SIK3: variants seen among roughly 807,000 people sequenced by gnomAD.
SIK3 encodes SIK family kinase 3, also known as serine/threonine-protein kinase SIK3.
In SIK3, 28 loss-of-function variants were observed where a neutral mutation model predicts 144.2. The ratio of observed to expected loss-of-function variants is 0.19; its 90% confidence interval spans 0.14 to 0.27. The LOEUF is 0.27. SIK3 is among the 10% of genes least tolerant of loss of function. The probability of loss-of-function intolerance (pLI) is 1.00; values close to 1 mark genes in which losing one functional copy is unlikely to be tolerated. For missense variants in SIK3, 1,319 were observed against 1,776.0 expected (o/e 0.74, Z 4.62); for synonymous variants, 686 against 676.3 (o/e 1.01, Z -0.22).
chr11:117,004,385 G>A (rs2135633497), intron 1 of SIK3, among the ~76,000 whole-genome samples: 1 of 152,146 alleles, frequency 6.6e-6, no homozygotes, highest in South Asian at 2.1e-4. Flanking sequence ...GCGTGATGGT[G>A]CACACCTGTG....
At chr11:116,853,982 G>A (rs1942669330) in intron 21 of SIK3, among the ~76,000 whole-genome samples, 1 of 152,228 alleles carries the variant, frequency 6.6e-6, no homozygotes, top group Non-Finnish European at 1.5e-5. Flanking sequence ...ACAGTGCCTG[G>A]CCTCATACTG....
chr11:116,958,827 A>C (rs1422005516), intron 1 of SIK3, among the ~76,000 whole-genome samples: 1 of 152,168 alleles, frequency 6.6e-6, no homozygotes, highest in Non-Finnish European at 1.5e-5. Flanking sequence ...GATCACATAC[A>C]AGACCTTAAC....
intron 3 of SIK3, chr11:116,950,072 TGA>T: frequency 2.1e-6 from 1 of 469,274 alleles, no homozygotes; most frequent in Non-Finnish European, 4.4e-6. Context: ...CAAAAGACAG[TGA>T]AACCACTGTC....
rs746771149 is a variant in SIK3, at chr11:117,042,367, AG to A, written c.273+55775del. 3.3e-5 allele frequency among the ~76,000 whole-genome samples: 5 copies of A among 152,330 alleles called. No individual in the cohort carries two copies. In the South Asian group the frequency reaches 1.0e-3, roughly 32 times the overall value. On this transcript the variant is annotated intron_variant, in intron 1 of 24. Transcript: ENST00000445177. Reference sequence around the variant, plus strand: ...AAACGCAATTCGCAGGTAAGAAAGGAGGCACAATGGTTAAAGGCCAGAGTGT... The same window carrying A: ...AAACGCAATTCGCAGGTAAGAAAGGAGCACAATGGTTAAAGGCCAGAGTGT...
At chr11:117,057,514 T>C (rs536991186) in intron 1 of SIK3, among the ~76,000 whole-genome samples, 13 of 152,292 alleles carry the variant, frequency 8.5e-5, no homozygotes, top group African/African-American at 2.2e-4. Context: ...TAGGAACAAG[T>C]ACTCGGTCAC....
intron 1 of SIK3, among the ~76,000 whole-genome samples, chr11:117,066,336 G>C (rs191917518): frequency 5.3e-5 from 8 of 151,658 alleles, no homozygotes; most frequent in South Asian, 2.1e-4. Flanking sequence ...CCAAAGTACT[G>C]GGATTACAGG....
chr11:116,983,226 CAAAAAA>C (rs751603084), intron 1 of SIK3, among the ~76,000 whole-genome samples: 2 of 86,812 alleles, frequency 2.3e-5, no homozygotes, highest in African/African-American at 4.1e-5. Context: ...GACTCTGTCT[CAAAAAA>C]AAAAAAAAAA....
intron 1 of SIK3, among the ~76,000 whole-genome samples, chr11:116,957,677 C>T (rs949491551): frequency 2.6e-5 from 4 of 152,128 alleles, no homozygotes; most frequent in African/African-American, 9.7e-5. Context: ...CTCATTTAAA[C>T]CTCCTAACAC....
intron 6 of SIK3, among the ~76,000 whole-genome samples, chr11:116,877,828 T>C (rs1221106645): frequency 6.6e-6 from 1 of 152,252 alleles, no homozygotes; most frequent in Non-Finnish European, 1.5e-5. Flanking sequence ...ATAGTTGTGA[T>C]GAAGGCAGTG....
At chr11:116,907,630 A>G (rs986660430) in intron 4 of SIK3, among the ~76,000 whole-genome samples, 1 of 152,148 alleles carries the variant, frequency 6.6e-6, no homozygotes, top group African/African-American at 2.4e-5. Flanking sequence ...CTGGGTGACA[A>G]GAGCAAAACA....
chr11:117,051,032 C>T lies in SIK3; in HGVS notation c.273+47111G>A, dbSNP rs962674762. ...TGAGGGTATTTCTGCAAGAGATTAG[C>T]ATTTGAATCAGTAAACTAAATAAAG... On this transcript the variant is annotated intron_variant, in intron 1 of 24. Coordinates refer to ENST00000445177, the MANE Select transcript of SIK3 (RefSeq NM_001366686.3). Among the ~76,000 whole-genome samples, 11 of 152,208 alleles carry T rather than the reference C, an allele frequency of 7.2e-5. No individual in the cohort carries two copies. In the East Asian group the frequency reaches 1.5e-3, roughly 21 times the overall value.
At chr11:116,874,532 A>T (rs1944141609) in intron 11 of SIK3, among the ~76,000 whole-genome samples, 1 of 152,258 alleles carries the variant, frequency 6.6e-6, no homozygotes, top group African/African-American at 2.4e-5. Flanking sequence ...AGCATACTTT[A>T]AAGTAAGACA....
At chr11:116,888,591 G>A (rs1591231573) in intron 6 of SIK3, among the ~76,000 whole-genome samples, 1 of 152,324 alleles carries the variant, frequency 6.6e-6, no homozygotes, top group East Asian at 1.9e-4. Flanking sequence ...TTAGGCCTAT[G>A]ACATTCAGCA....
At chr11:116,887,844 C>T (rs1460873045) in intron 6 of SIK3, among the ~76,000 whole-genome samples, 1 of 152,172 alleles carries the variant, frequency 6.6e-6, no homozygotes, top group African/African-American at 2.4e-5. Flanking sequence ...TACAATCAAC[C>T]TAGCCTCAAA....
intron 1 of SIK3, among the ~76,000 whole-genome samples, chr11:117,009,730 A>G (rs1008371800): frequency 4.6e-5 from 7 of 152,230 alleles, no homozygotes; most frequent in African/African-American, 1.7e-4. Flanking sequence ...AAAACCTTTA[A>G]GAGATTCCCT....
chr11:116,922,736 T>C (rs1388322632), intron 4 of SIK3, among the ~76,000 whole-genome samples: 2 of 150,296 alleles, frequency 1.3e-5, no homozygotes, highest in Non-Finnish European at 2.9e-5. Flanking sequence ...TACACGAAAC[T>C]GGATGCATGA....
Position 116,897,184 on chromosome 11 carries a change from G to T in SIK3, c.741+9C>A, listed in dbSNP as rs753313555. ...ATGCTGTGGGGTATAAGAGAAGGCA[G>T]TTACTTACCCAGATGTCCACTTTGG... On this transcript the variant is annotated intron_variant, in intron 5 of 24. Transcript: ENST00000445177. 1.9e-6 allele frequency: 3 copies of T among 1,613,272 alleles called. No individual in the cohort carries two copies. The highest frequency in any genetic ancestry group is 2.7e-5 in the African/African-American group (2 of 74,866).
chr11:117,005,139 C>G lies in SIK3; in HGVS notation c.274-48075G>C, dbSNP rs576354298. ...TTCTCCTTTTTTACTATATAATACT[C>G]AGAATATAAAAACAAAATGTGGGCT... On this transcript the variant is annotated intron_variant, in intron 1 of 24. Transcript: ENST00000445177. 4.0e-4 allele frequency among the ~76,000 whole-genome samples: 61 copies of G among 151,672 alleles called. No homozygotes were observed. The South Asian group carries it at 5.8e-3, about 15-fold the overall frequency.
At chr11:116,908,383 G>A (rs1392197629) in intron 4 of SIK3, among the ~76,000 whole-genome samples, 1 of 152,134 alleles carries the variant, frequency 6.6e-6, no homozygotes, top group East Asian at 1.9e-4. Flanking sequence ...AGAGGCTGAG[G>A]CAAGAGGATT....
Sources: gnomAD v4.1 joint callset for allele counts (sites outside exome capture counted in the v4.1 genomes callset) on GRCh38, gnomAD v4.1.1 for gene constraint, MANE v1.5 for transcripts, NCBI Gene and HGNC (gene_info 2026-07-23, HGNC 2026-07-21) for gene names.